Variants in PACRGL observed in about 807,000 individuals in gnomAD.
PACRGL encodes the protein parkin coregulated like.
A neutral mutation model predicts 34.5 loss-of-function variants in PACRGL; 38 were observed. The ratio of observed to expected loss-of-function variants is 1.10; its 90% CI spans 0.85 to 1.44. PACRGL has a LOEUF of 1.44. Among genes scored for constraint, PACRGL ranks in the 40% most tolerant of loss-of-function variants. PACRGL has a pLI of 0.00. For synonymous variants in PACRGL, 128 were observed against 100.1 expected (o/e 1.28, Z -1.66); for missense variants, 305 against 281.4 (o/e 1.08, Z -0.60).
chr4:20,716,697 T>A (rs1371611270), intron 7 of PACRGL, among the ~76,000 whole-genome samples: 1 of 152,090 alleles, frequency 6.6e-6, no homozygotes, highest in Admixed American at 6.5e-5. Context: ...TATTCCATGG[T>A]GTATATGTGC....
intron 8 of PACRGL, among the ~76,000 whole-genome samples, chr4:20,750,764 C>G (rs914113648): frequency 6.6e-6 from 1 of 152,082 alleles, no homozygotes; most frequent in Non-Finnish European, 1.5e-5. Flanking sequence ...TGGGCTTTAG[C>G]CTTTTATCTT....
chr4:20,747,698 A>G, intron 8 of PACRGL, among the ~76,000 whole-genome samples: 1 of 151,984 alleles, frequency 6.6e-6, no homozygotes, highest in East Asian at 1.9e-4. Flanking sequence ...CACTTAAGTT[A>G]TGGGAGATGA....
the PACRGL span, among the ~76,000 whole-genome samples, chr4:20,764,087 C>G: frequency 3.3e-5 from 5 of 152,116 alleles, no homozygotes; most frequent in African/African-American, 1.2e-4. Context: ...TGAGAATTTG[C>G]TGCAAGCTTC....
At position 20,729,904 on chromosome 4, in the gene PACRGL, C is replaced by CAA; in HGVS notation, c.*2565_*2566dup. 1.6e-6 allele frequency: 1 copy of CAA among 613,534 alleles called. No homozygotes were observed. The allele number at this position is 613,534 out of a possible 1,614,324, so 38.0% of individuals were successfully genotyped here. A position where few individuals can be genotyped will look rare whatever the true frequency, so the allele number is the denominator to read the frequency against. On this transcript the variant is annotated 3_prime_UTR_variant, in exon 9 of 9. Transcript: ENST00000503585. ...ACTCAGTGGCATTATGAAAAGGATG[C>CAA]AAATTTATAACTGAAAGCTCAAATC... is the stretch of plus-strand genomic sequence containing the variant.
chr4:20,700,390 C>G (rs564892675), upstream of PACRGL: 12 of 152,216 alleles, frequency 7.9e-5, no homozygotes, highest in Admixed American at 5.9e-4. Context: ...TTGGTTTAGA[C>G]GACGCAGCGT....
the PACRGL span, among the ~76,000 whole-genome samples, chr4:20,766,029 ATTAT>A: frequency 6.6e-6 from 1 of 152,198 alleles, no homozygotes; most frequent in Non-Finnish European, 1.5e-5. Context: ...ATATTTTATA[ATTAT>A]TAATGTGATG....
chr4:20,759,050 T>C, the PACRGL span, among the ~76,000 whole-genome samples: 6 of 152,136 alleles, frequency 3.9e-5, no homozygotes, highest in African/African-American at 9.7e-5. Flanking sequence ...TATAAACTTA[T>C]GTTTGTTCCA....
At chr4:20,737,891 G>A (rs1750033934) in intron 8 of PACRGL, among the ~76,000 whole-genome samples, 1 of 152,224 alleles carries the variant, frequency 6.6e-6, no homozygotes, top group African/African-American at 2.4e-5. Flanking sequence ...CAGCACTTTG[G>A]GTGGTGGAGG....
intron 8 of PACRGL, among the ~76,000 whole-genome samples, chr4:20,740,621 T>C (rs1178428443): frequency 1.3e-5 from 2 of 152,112 alleles, no homozygotes; most frequent in East Asian, 3.9e-4. Context: ...TGCAAAAACA[T>C]GCCAAATTGT....
downstream of PACRGL, among the ~76,000 whole-genome samples, chr4:20,754,474 C>T (rs940352014): frequency 2.0e-5 from 3 of 152,174 alleles, no homozygotes; most frequent in Non-Finnish European, 2.9e-5. Flanking sequence ...CACATGAATT[C>T]GCCTGCCATC....
At position 20,731,040 on chromosome 4, in the gene PACRGL, C is replaced by A. The variant is rs964842116; in HGVS notation, c.*3699C>A. Among the ~76,000 whole-genome samples the A allele has an allele frequency of 6.6e-6, 1 of 152,078 alleles. No homozygotes were observed. The highest frequency in any genetic ancestry group is 2.4e-5 in the African/African-American group (1 of 41,428). On this transcript the variant is annotated 3_prime_UTR_variant, in exon 9 of 9. Transcript: ENST00000503585. The stretch of plus-strand genomic sequence containing the variant: ...AAAATAAAGAGAAAAACTAAAGAAA[C>A]AACGGATTTCTTTGTTTTCAGGATT...
intron 5 of PACRGL, 167 bp downstream of exon 5, chr4:20,709,940 A>G (rs997420424): frequency 5.6e-5 from 30 of 535,820 alleles, no homozygotes; most frequent in Non-Finnish European, 8.9e-5. Flanking sequence ...TGATTCTTAT[A>G]TAGTTATTTG....
At chr4:20,711,819 T>G (rs1341036226) in intron 5 of PACRGL, among the ~76,000 whole-genome samples, 1 of 152,186 alleles carries the variant, frequency 6.6e-6, no homozygotes, top group Non-Finnish European at 1.5e-5. Context: ...GATCTACAGT[T>G]TTTTAAAATA....
In PACRGL at chr4:20,730,819, T is replaced by C. The variant is rs1418993291; in HGVS notation, c.*3478T>C. Reference sequence around the variant, plus strand: ...ATTATTGGAGCACTTGTCAGTTGCATGTGAATAGCACTTACTGAGCTGTTT... The same window carrying C: ...ATTATTGGAGCACTTGTCAGTTGCACGTGAATAGCACTTACTGAGCTGTTT... On this transcript the variant is annotated 3_prime_UTR_variant, in exon 9 of 9. Transcript: ENST00000503585. 6.6e-6 allele frequency among the ~76,000 whole-genome samples: 1 copy of C among 152,184 alleles called. No individual in the cohort carries two copies. The highest frequency in any genetic ancestry group is 2.4e-5 in the African/African-American group (1 of 41,452).
upstream of PACRGL, among the ~76,000 whole-genome samples, chr4:20,699,095 G>T (rs1199120648): frequency 2.6e-5 from 4 of 152,160 alleles, no homozygotes; most frequent in Admixed American, 6.5e-5. Context: ...GGGTTAAAAG[G>T]TCACGAACTA....
In PACRGL at chr4:20,729,073, C is replaced by T. The variant is rs1057406991; in HGVS notation, c.*1732C>T. 1 of 148,824 alleles carries T rather than the reference C, an allele frequency of 6.7e-6. No individual in the cohort carries two copies. Among genetic ancestry groups the T allele is most frequent in the Non-Finnish European group, 1.5e-5 (1 of 66,866 alleles). 9.2% of individuals were successfully genotyped at this position (148,824 alleles called of 1,614,324 possible). On this transcript the variant is annotated 3_prime_UTR_variant, in exon 9 of 9. Coordinates refer to ENST00000503585, the MANE Select transcript of PACRGL (RefSeq NM_001258345.3). ...GAATTTTGCTTGCTAATTTTGCTTG[C>T]TGTTTGTTCTTAGTAGACAGTGGGG...
chr4:20,747,873 C>T (rs1413512017), intron 8 of PACRGL, among the ~76,000 whole-genome samples: 2 of 152,130 alleles, frequency 1.3e-5, no homozygotes, highest in African/African-American at 4.8e-5. Context: ...CATCTTGACT[C>T]CACAAAGCCA....
the PACRGL span, among the ~76,000 whole-genome samples, chr4:20,763,708 A>T: frequency 6.6e-6 from 1 of 152,158 alleles, no homozygotes; most frequent in South Asian, 2.1e-4. Flanking sequence ...TCTCCCACTG[A>T]TGCTTTATTT....
At chr4:20,711,091 A>G (rs1044957518) in intron 5 of PACRGL, among the ~76,000 whole-genome samples, 8 of 152,130 alleles carry the variant, frequency 5.3e-5, no homozygotes, top group Non-Finnish European at 1.0e-4. Context: ...TCAAACACAC[A>G]CACACACAAA....
Sources: allele counts gnomAD v4.1 joint callset (sites outside exome capture counted in the v4.1 genomes callset), GRCh38; gene constraint gnomAD v4.1.1; transcripts MANE v1.5; gene names NCBI Gene and HGNC (gene_info 2026-07-23, HGNC 2026-07-21).